NRXN1: variants seen among roughly 807,000 people sequenced by gnomAD.
NRXN1 encodes the protein neurexin-1.
In NRXN1, 39 loss-of-function variants were observed where a neutral mutation model predicts 150.9. That is an observed-to-expected ratio of 0.26 (90% CI 0.20 to 0.34). The LOEUF (loss-of-function observed/expected upper bound fraction) is 0.34, where lower values mean the gene tolerates loss of function less well. Among genes scored for constraint, NRXN1 ranks in the 10% least tolerant of loss-of-function variants. The pLI is 1.00. For missense variants in NRXN1, 1,815 were observed against 1,949.9 expected, an observed-to-expected ratio of 0.93 and a Z score of 1.30; for synonymous variants, 924 against 757.0, an observed-to-expected ratio of 1.22 and a Z score of -3.62.
chr2:50,940,822 C>A (rs1689317327), intron 2 of NRXN1, among the ~76,000 whole-genome samples: 1 of 152,128 alleles, frequency 6.6e-6, no homozygotes, highest in South Asian at 2.1e-4. Flanking sequence ...TAACCAATAA[C>A]CCCTGTCCCC....
intron 5 of NRXN1, among the ~76,000 whole-genome samples, chr2:50,733,852 C>T (rs546209911): frequency 3.9e-5 from 6 of 152,168 alleles, no homozygotes; most frequent in East Asian, 1.9e-4. Flanking sequence ...TTAATCTGTA[C>T]GTAAAATGTA....
rs1196000125 is a variant in NRXN1 at position 50,829,820 on chromosome 2, T to C, written c.832+92049A>G. The C allele has an allele frequency of 2.2e-6, 3 of 1,375,000 alleles. No homozygotes were observed. The South Asian group carries it at 3.9e-5, about 18-fold the overall frequency. The allele number at this position is 1,375,000 out of a possible 1,614,324, so 85.2% of individuals were successfully genotyped here. Reference sequence around the variant, plus strand: ...AGTAACTTAACTTTTGGTAACATAATATATAACTTCTCTTTCACAGATTAT... The same window carrying C: ...AGTAACTTAACTTTTGGTAACATAACATATAACTTCTCTTTCACAGATTAT... On this transcript the variant is annotated intron_variant, in intron 5 of 22. Coordinates refer to ENST00000401669, the MANE Select transcript of NRXN1 (RefSeq NM_001330078.2).
intron 21 of NRXN1, among the ~76,000 whole-genome samples, chr2:50,022,423 T>A (rs1490083292): frequency 1.3e-5 from 2 of 152,220 alleles, no homozygotes; most frequent in Non-Finnish European, 1.5e-5. Flanking sequence ...AATGATTAGA[T>A]ACATAGAATG....
chr2:50,857,199 G>A (rs141742258), intron 5 of NRXN1, among the ~76,000 whole-genome samples: 99 of 152,180 alleles, frequency 6.5e-4, no homozygotes, highest in African/African-American at 2.3e-3. Context: ...TGAGCTGTGT[G>A]CCCTCTGAGT....
At chr2:50,291,507 C>A (rs1181910286) in intron 17 of NRXN1, among the ~76,000 whole-genome samples, 1 of 152,078 alleles carries the variant, frequency 6.6e-6, no homozygotes, top group Non-Finnish European at 1.5e-5. Context: ...AACCCATGAA[C>A]CCAGCTCTAG....
intron 9 of NRXN1, among the ~76,000 whole-genome samples, chr2:50,547,024 T>C (rs965217748): frequency 6.6e-6 from 1 of 152,166 alleles, no homozygotes; most frequent in African/African-American, 2.4e-5. Flanking sequence ...TGGTAATAGA[T>C]AGCTAGAAAG....
chr2:50,410,148 C>T (rs1392122130), intron 17 of NRXN1, among the ~76,000 whole-genome samples: 1 of 152,076 alleles, frequency 6.6e-6, no homozygotes, highest in African/African-American at 2.4e-5. Flanking sequence ...CAATCCTATT[C>T]TCCAATATAA....
chr2:50,480,741 G>A (rs1035861112), intron 15 of NRXN1, among the ~76,000 whole-genome samples: 8 of 152,100 alleles, frequency 5.3e-5, no homozygotes. Context: ...TGTTCCTGAT[G>A]CTACAGCAGG....
intron 5 of NRXN1, among the ~76,000 whole-genome samples, chr2:50,904,809 G>C (rs991169893): frequency 3.3e-5 from 5 of 151,994 alleles, no homozygotes; most frequent in Admixed American, 6.6e-5. Context: ...CATCACTGCT[G>C]AATGTTGTCT....
chr2:50,907,991 T>C (rs1235829622), intron 5 of NRXN1, among the ~76,000 whole-genome samples: 4 of 152,110 alleles, frequency 2.6e-5, no homozygotes, highest in Non-Finnish European at 5.9e-5. Context: ...ATGAAGAATG[T>C]TGGTTTCTGT....
intron 2 of NRXN1, among the ~76,000 whole-genome samples, chr2:50,970,897 T>C (rs1694893268): frequency 6.6e-6 from 1 of 152,130 alleles, no homozygotes; most frequent in South Asian, 2.1e-4. Flanking sequence ...AGAAATTTAC[T>C]CTTGAAATTC....
intron 21 of NRXN1, chr2:50,016,677 G>A (rs1686679523): frequency 6.6e-6 from 1 of 151,978 alleles, no homozygotes; most frequent in Non-Finnish European, 1.5e-5. Flanking sequence ...AACAGCATGG[G>A]GAAAACCACC....
intron 5 of NRXN1, among the ~76,000 whole-genome samples, chr2:50,897,710 A>G (rs62140644): frequency 0.19 from 29,203 of 152,154 alleles, 3,224 homozygotes; most frequent in Non-Finnish European, 0.25. Flanking sequence ...AGACTATTCT[A>G]TGGTGACAAA....
At chr2:50,321,150 T>C (rs1237272240) in intron 17 of NRXN1, among the ~76,000 whole-genome samples, 1 of 152,150 alleles carries the variant, frequency 6.6e-6, no homozygotes. Flanking sequence ...AAAAGCATTC[T>C]TTGGTCTCTA....
intron 21 of NRXN1, among the ~76,000 whole-genome samples, chr2:49,985,572 G>T (rs1558637570): frequency 6.6e-6 from 1 of 152,198 alleles, no homozygotes; most frequent in South Asian, 2.1e-4. Context: ...CAAAAACAAT[G>T]AAGTCATTAG....
At chr2:50,943,936 C>A (rs1689902187) in intron 2 of NRXN1, among the ~76,000 whole-genome samples, 1 of 151,920 alleles carries the variant, frequency 6.6e-6, no homozygotes, top group Non-Finnish European at 1.5e-5. Context: ...TTTTGGAAGA[C>A]CCTGGCATAC....
At chr2:50,161,258 T>C (rs1251230926) in intron 18 of NRXN1, among the ~76,000 whole-genome samples, 2 of 152,130 alleles carry the variant, frequency 1.3e-5, no homozygotes, top group Non-Finnish European at 2.9e-5. Context: ...AATGGTCTTA[T>C]AAAACAGGTA....
At chr2:50,673,465 T>C (rs892052773) in intron 5 of NRXN1, among the ~76,000 whole-genome samples, 20 of 152,026 alleles carry the variant, frequency 1.3e-4, no homozygotes, top group African/African-American at 4.8e-4. Context: ...TAGAAACAAA[T>C]GTAAAAACCC....
At chr2:50,079,448 A>G (rs1262602794) in intron 19 of NRXN1, among the ~76,000 whole-genome samples, 2 of 152,078 alleles carry the variant, frequency 1.3e-5, no homozygotes, top group Non-Finnish European at 2.9e-5. Flanking sequence ...AAAGCCAAAG[A>G]TATTTAATAT....
Sources: gnomAD v4.1 joint callset for allele counts (sites outside exome capture counted in the v4.1 genomes callset) on GRCh38, gnomAD v4.1.1 for gene constraint, MANE v1.5 for transcripts, NCBI Gene and HGNC (gene_info 2026-07-23, HGNC 2026-07-21) for gene names.